Variants in CLSTN2 observed in about 807,000 individuals in gnomAD.
CLSTN2 encodes calsyntenin-2.
CLSTN2 carries 48 observed loss-of-function variants against 101.2 expected under a neutral mutation model. That is an observed-to-expected ratio of 0.47 (90% CI 0.38 to 0.60). The LOEUF (loss-of-function observed/expected upper bound fraction) is 0.60. CLSTN2 is among the 20% of genes least tolerant of loss of function. The pLI, the probability that CLSTN2 is intolerant of heterozygous loss-of-function variation, is 0.00. For synonymous variants in CLSTN2, 481 were observed against 463.6 expected (o/e 1.04, Z -0.48); for missense variants, 1,160 against 1,238.2 (o/e 0.94, Z 0.95).
At chr3:140,179,090 T>A (rs903007605) in intron 2 of CLSTN2, among the ~76,000 whole-genome samples, 1 of 152,196 alleles carries the variant, frequency 6.6e-6, no homozygotes, top group Non-Finnish European at 1.5e-5. Context: ...TAAATAAATA[T>A]TATGATTGCA....
intron 1 of CLSTN2, among the ~76,000 whole-genome samples, chr3:140,168,088 G>A (rs2010160773): frequency 1.3e-5 from 2 of 152,144 alleles, no homozygotes; most frequent in Admixed American, 6.6e-5. Flanking sequence ...TAGAATTGCT[G>A]AGTCATTTTA....
chr3:140,211,049 T>A (rs2010849215), intron 2 of CLSTN2, among the ~76,000 whole-genome samples: 1 of 152,086 alleles, frequency 6.6e-6, no homozygotes. Context: ...TCGGTATGTG[T>A]GGTGGGAGAA....
chr3:140,131,418 C>CA (rs141028251), intron 1 of CLSTN2, among the ~76,000 whole-genome samples: 2,605 of 152,076 alleles, frequency 0.017, 64 homozygotes, highest in African/African-American at 0.056. Context: ...TTCTGAAATA[C>CA]AAATTATGCG....
rs549414127 is a variant in CLSTN2, at chr3:140,284,780, C to T, written c.232+108707C>T. Among the ~76,000 whole-genome samples, 3 of 152,188 alleles carry T rather than the reference C, an allele frequency of 2.0e-5. No homozygotes were observed. The East Asian group carries it at 5.8e-4, about 29-fold the overall frequency. On this transcript the variant is annotated intron_variant, in intron 2 of 16. Coordinates refer to ENST00000458420, the MANE Select transcript of CLSTN2 (RefSeq NM_022131.3). ...TTTGCTGGGTTGGCAGAAACCTCTG[C>T]ATGTCCCATCTGCTTGTTCTGACAC...
At chr3:140,315,132 GCCTTCA>G (rs2087216164) in intron 2 of CLSTN2, among the ~76,000 whole-genome samples, 1 of 152,212 alleles carries the variant, frequency 6.6e-6, no homozygotes, top group African/African-American at 2.4e-5. Flanking sequence ...AGGGAGGATG[GCCTTCA>G]CCCACATCCG....
At chr3:140,167,270 T>C (rs2010149231) in intron 1 of CLSTN2, among the ~76,000 whole-genome samples, 1 of 152,232 alleles carries the variant, frequency 6.6e-6, no homozygotes, top group Non-Finnish European at 1.5e-5. Flanking sequence ...TCCCCCAAGA[T>C]ATATTAAATG....
At chr3:140,110,244 C>A (rs890510767) in intron 1 of CLSTN2, among the ~76,000 whole-genome samples, 12 of 152,094 alleles carry the variant, frequency 7.9e-5, no homozygotes, top group Non-Finnish European at 1.5e-5. Flanking sequence ...GTTCTTGATT[C>A]CCAAGTGGAT....
At chr3:140,111,822 G>A (rs1238076396) in intron 1 of CLSTN2, among the ~76,000 whole-genome samples, 1 of 152,142 alleles carries the variant, frequency 6.6e-6, no homozygotes, top group Non-Finnish European at 1.5e-5. Flanking sequence ...AAGCCACTGT[G>A]ATAAGGACTT....
At chr3:139,995,102 A>C (rs1209762595) in intron 1 of CLSTN2, among the ~76,000 whole-genome samples, 3 of 152,094 alleles carry the variant, frequency 2.0e-5, no homozygotes, top group African/African-American at 7.2e-5. Flanking sequence ...AAGGCTGCTG[A>C]TATCAGCCAT....
At chr3:140,361,873 G>A (rs1313055166) in intron 2 of CLSTN2, among the ~76,000 whole-genome samples, 1 of 152,090 alleles carries the variant, frequency 6.6e-6, no homozygotes, top group Non-Finnish European at 1.5e-5. Flanking sequence ...CGGATTAAAA[G>A]CTTCAATATT....
intron 1 of CLSTN2, among the ~76,000 whole-genome samples, chr3:140,002,777 A>G (rs1351334701): frequency 6.6e-6 from 1 of 152,192 alleles, no homozygotes; most frequent in Non-Finnish European, 1.5e-5. Flanking sequence ...ATTCTTCTGC[A>G]TATGGATATC....
chr3:140,403,556 G>C (rs1038371209), intron 2 of CLSTN2, 73 bp from the exon 3 acceptor site: 1 of 1,269,600 alleles, frequency 7.9e-7, no homozygotes, highest in Non-Finnish European at 1.1e-6. Flanking sequence ...TTGTGAATCT[G>C]GTCCAATGGA....
At position 140,496,371 on chromosome 3, in the gene CLSTN2, T is replaced by C. The variant is rs573715897; in HGVS notation, c.1344+29640T>C. Among the ~76,000 whole-genome samples the C allele has an allele frequency of 9.9e-5, 15 of 152,220 alleles. No individual in the cohort carries two copies. In the East Asian group the frequency reaches 2.1e-3, roughly 22 times the overall value. On this transcript the variant is annotated intron_variant, in intron 8 of 16. Coordinates refer to ENST00000458420, the MANE Select transcript of CLSTN2 (RefSeq NM_022131.3). ...AGCTTAAGAAGCTTTTGGGCTAAGGTGATGGGATTTTCTAGATATAGGATC... is the reference window on the plus strand; with the variant it reads ...AGCTTAAGAAGCTTTTGGGCTAAGGCGATGGGATTTTCTAGATATAGGATC...
chr3:140,392,621 G>C (rs1434553570), intron 2 of CLSTN2, among the ~76,000 whole-genome samples: 3 of 151,998 alleles, frequency 2.0e-5, no homozygotes, highest in Non-Finnish European at 4.4e-5. Context: ...TCTGGCTAGT[G>C]GCTTCTGCAC....
At chr3:140,425,726 C>T (rs2088559395) in intron 5 of CLSTN2, among the ~76,000 whole-genome samples, 1 of 152,188 alleles carries the variant, frequency 6.6e-6, no homozygotes, top group Non-Finnish European at 1.5e-5. Context: ...AGAAAACAAG[C>T]CCAGGGTGCC....
chr3:140,139,919 T>G (rs1019513082), intron 1 of CLSTN2, among the ~76,000 whole-genome samples: 2 of 152,206 alleles, frequency 1.3e-5, no homozygotes, highest in African/African-American at 2.4e-5. Context: ...TGAAACCCAG[T>G]GCAGATGAAG....
intron 2 of CLSTN2, among the ~76,000 whole-genome samples, chr3:140,334,046 A>C (rs183283805): frequency 2.0e-4 from 30 of 152,264 alleles, no homozygotes; most frequent in Non-Finnish European, 3.2e-4. Context: ...TAGAAGCCTC[A>C]TTTTGACTTT....
chr3:140,074,848 C>T (rs2008458740), intron 1 of CLSTN2, among the ~76,000 whole-genome samples: 1 of 152,146 alleles, frequency 6.6e-6, no homozygotes, highest in Non-Finnish European at 1.5e-5. Flanking sequence ...AGTGACCTAC[C>T]CCCACTGCAA....
At chr3:140,352,852 C>A (rs79769767) in intron 2 of CLSTN2, among the ~76,000 whole-genome samples, 2,403 of 152,236 alleles carry the variant, frequency 0.016, 54 homozygotes, top group African/African-American at 0.055. Context: ...TTCAGAAATT[C>A]AATCTCTGCC....
Sources: gnomAD v4.1 joint callset for allele counts (sites outside exome capture counted in the v4.1 genomes callset) on GRCh38, gnomAD v4.1.1 for gene constraint, MANE v1.5 for transcripts, NCBI Gene and HGNC (gene_info 2026-07-23, HGNC 2026-07-21) for gene names.